The following ZMYM2 variants were observed in gnomAD, a reference collection of about 807,000 sequenced individuals.
The protein encoded by ZMYM2 is zinc finger MYM-type containing 2.
In ZMYM2, 56 loss-of-function variants were observed where a neutral mutation model predicts 162.8. The ratio of observed to expected loss-of-function variants is 0.34; its 90% CI spans 0.28 to 0.43. The LOEUF is 0.43. ZMYM2 is among the 20% of genes least tolerant of loss of function. The probability of loss-of-function intolerance (pLI) is 1.00; values close to 1 mark genes in which losing one functional copy is unlikely to be tolerated. For missense variants in ZMYM2, 1,275 were observed against 1,621.8 expected (o/e 0.79, Z 3.67); for synonymous variants, 510 against 541.6 (o/e 0.94, Z 0.81).
intron 12 of ZMYM2, among the ~76,000 whole-genome samples, chr13:20,042,069 G>C (rs1167266534): frequency 1.3e-5 from 2 of 152,006 alleles, no homozygotes; most frequent in African/African-American, 2.4e-5. Context: ...ATCATACTGG[G>C]GTTCTCTACA....
the ZMYM2 span, among the ~76,000 whole-genome samples, chr13:19,950,063 G>A: frequency 4.0e-5 from 6 of 150,770 alleles, no homozygotes; most frequent in Non-Finnish European, 5.9e-5. Flanking sequence ...ACTTAAACCC[G>A]GGAGTTGGAG....
intron 2 of ZMYM2, among the ~76,000 whole-genome samples, chr13:19,991,920 A>G (rs1949661225): frequency 6.6e-6 from 1 of 152,074 alleles, no homozygotes. Context: ...TTTTACTTGT[A>G]GTCTCCCTCT....
intron 21 of ZMYM2, chr13:20,070,434 G>C (rs984111342): frequency 6.1e-6 from 1 of 163,560 alleles, no homozygotes; most frequent in African/African-American, 2.4e-5. Flanking sequence ...AGAGTCTTTT[G>C]CCAACTCTTT....
At chr13:19,892,903 C>T in the ZMYM2 span, among the ~76,000 whole-genome samples, 1 of 150,784 alleles carries the variant, frequency 6.6e-6, no homozygotes, top group Admixed American at 6.6e-5. Context: ...TTAGTAGAGA[C>T]GGGGTTTCAC....
chr13:20,065,834 T>C (rs1292008714), intron 19 of ZMYM2, among the ~76,000 whole-genome samples: 1 of 151,900 alleles, frequency 6.6e-6, no homozygotes, highest in Admixed American at 6.6e-5. Context: ...ATTACAAAAC[T>C]CTAGCATGGG....
chr13:20,039,473 GTTTT>G (rs71070289), intron 12 of ZMYM2, among the ~76,000 whole-genome samples: 2 of 101,238 alleles, frequency 2.0e-5, no homozygotes, highest in Non-Finnish European at 2.2e-5. Context: ...TTTATTGAGA[GTTTT>G]TTTTTTTTTT....
chr13:19,959,290 G>GCT (rs1954902108), intron 1 of ZMYM2, among the ~76,000 whole-genome samples: 1 of 151,820 alleles, frequency 6.6e-6, no homozygotes, highest in Non-Finnish European at 1.5e-5. Context: ...CTGGGTCTCC[G>GCT]CTCTCGGGGC....
intron 7 of ZMYM2, chr13:20,019,909 T>A: frequency 4.9e-6 from 1 of 205,278 alleles, no homozygotes. Context: ...AGGCATTTAA[T>A]AAAGGGATAT....
chr13:19,980,167 G>A (rs1957185794), intron 2 of ZMYM2, among the ~76,000 whole-genome samples: 1 of 151,672 alleles, frequency 6.6e-6, no homozygotes, highest in African/African-American at 2.4e-5. Context: ...GTATGATGAG[G>A]GGTAGGTGGC....
rs527927304 is a variant in ZMYM2, at chr13:20,088,996, T to A, written c.*2982T>A. The A allele has an allele frequency of 5.0e-6, 1 of 198,580 alleles. No homozygotes were observed. Among genetic ancestry groups the A allele is most frequent in the South Asian group, 1.9e-4 (1 of 5,246 alleles). The allele number at this position is 198,580 out of a possible 1,614,324, so 12.3% of individuals were successfully genotyped here. ...CAGTTATTTCCAAAATGTATTGTTATACATGTCACTTATGTTTTTAAGCTA... is the reference window on the plus strand; with the variant it reads ...CAGTTATTTCCAAAATGTATTGTTAAACATGTCACTTATGTTTTTAAGCTA... On this transcript the variant is annotated 3_prime_UTR_variant, in exon 25 of 25. Transcript: ENST00000610343.
At chr13:20,020,230 T>A (rs1951955414) in intron 7 of ZMYM2, among the ~76,000 whole-genome samples, 1 of 141,278 alleles carries the variant, frequency 7.1e-6, no homozygotes, top group Non-Finnish European at 1.6e-5. Context: ...TTATTATTCC[T>A]CTTCTTTTTT....
At chr13:20,034,183 C>T (rs1282715568) in intron 10 of ZMYM2, 71 bp from the exon 11 acceptor site, 14 of 1,299,620 alleles carry the variant, frequency 1.1e-5, no homozygotes, top group Middle Eastern at 4.1e-4. Context: ...AACTTTGCTT[C>T]TGTAAAAGTG....
chr13:20,050,907 A>C (rs932414479), intron 12 of ZMYM2, among the ~76,000 whole-genome samples: 11 of 152,212 alleles, frequency 7.2e-5, no homozygotes, highest in African/African-American at 2.6e-4. Context: ...AGTTGTTATT[A>C]AAATTAAATA....
chr13:20,042,726 T>TA (rs1364663404), intron 12 of ZMYM2, among the ~76,000 whole-genome samples: 32 of 150,302 alleles, frequency 2.1e-4, no homozygotes, highest in African/African-American at 7.4e-4. Context: ...TTATTATTAT[T>TA]TTTTTTTATT....
chr13:20,086,206 A>G lies in ZMYM2; in HGVS notation c.*192A>G. On this transcript the variant is annotated 3_prime_UTR_variant, in exon 25 of 25. Coordinates refer to ENST00000610343, the MANE Select transcript of ZMYM2 (RefSeq NM_197968.4). ...TTATTCTATGTAGTGGTTTTAGGAT[A>G]CTTAACAAATACATTCAAATTCTTT... The G allele has an allele frequency of 2.3e-6, 1 of 434,416 alleles. No homozygotes were observed. The highest frequency in any genetic ancestry group is 4.0e-6 in the Non-Finnish European group (1 of 249,154). 26.9% of individuals were successfully genotyped at this position (434,416 alleles called of 1,614,324 possible).
chr13:19,921,298 C>T, the ZMYM2 span, among the ~76,000 whole-genome samples: 1 of 152,048 alleles, frequency 6.6e-6, no homozygotes, highest in South Asian at 2.1e-4. Flanking sequence ...AGCCACCACA[C>T]CCGGCTAATT....
In ZMYM2 at chr13:20,039,172, C is replaced by T. The variant is rs184429541; in HGVS notation, c.2292+2263C>T. 1.6e-3 allele frequency among the ~76,000 whole-genome samples: 239 copies of T among 152,260 alleles called. 1 individual carries two copies. The highest frequency in any genetic ancestry group is 5.7e-3 in the African/African-American group (237 of 41,542). On this transcript the variant is annotated intron_variant, in intron 12 of 24. Coordinates refer to ENST00000610343, the MANE Select transcript of ZMYM2 (RefSeq NM_197968.4). ...TTTATCAGCTGAGGGAACTTTTGGG[C>T]TGAGCCTATGGAGTTTTCTAGATAT... is the stretch of plus-strand genomic sequence containing the variant.
chr13:19,981,339 T>C (rs1233865582), intron 2 of ZMYM2, among the ~76,000 whole-genome samples: 1 of 151,962 alleles, frequency 6.6e-6, no homozygotes, highest in Non-Finnish European at 1.5e-5. Flanking sequence ...AAACCACATA[T>C]TTGATGTGTT....
intron 9 of ZMYM2, among the ~76,000 whole-genome samples, chr13:20,031,012 CTAT>C (rs1263312190): frequency 6.6e-6 from 1 of 152,042 alleles, no homozygotes; most frequent in Non-Finnish European, 1.5e-5. Context: ...CTTAACCTCA[CTAT>C]TATTTGCTTA....
Sources: gnomAD v4.1 joint callset for allele counts (sites outside exome capture counted in the v4.1 genomes callset) on GRCh38, gnomAD v4.1.1 for gene constraint, MANE v1.5 for transcripts, NCBI Gene and HGNC (gene_info 2026-07-23, HGNC 2026-07-21) for gene names.